Variants in BTBD16 observed in about 807,000 individuals in gnomAD.
The protein encoded by BTBD16 is BTB domain containing 16, also known as BTB/POZ domain-containing protein 16.
In BTBD16, 66 loss-of-function variants were observed where a neutral mutation model predicts 67.4. The observed-to-expected ratio is 0.98, with a 90% CI of 0.80 to 1.20. BTBD16 has a LOEUF of 1.20. BTBD16 is among the 50% of genes most tolerant of loss of function. BTBD16 has a pLI of 0.00. For synonymous variants in BTBD16, 242 were observed against 236.4 expected (o/e 1.02, Z -0.22); for missense variants, 634 against 616.0 (o/e 1.03, Z -0.31).
At chr10:122,309,434 T>C (rs2096409629) in intron 10 of BTBD16, among the ~76,000 whole-genome samples, 1 of 151,716 alleles carries the variant, frequency 6.6e-6, no homozygotes, top group Non-Finnish European at 1.5e-5. Context: ...AACCTCCGCC[T>C]CCCAGGTTCA....
intron 7 of BTBD16, among the ~76,000 whole-genome samples, chr10:122,292,469 T>A (rs1004096): frequency 0.12 from 18,454 of 152,284 alleles, 1,375 homozygotes; most frequent in East Asian, 0.24. Flanking sequence ...CCAGGACTCG[T>A]AGGTCAGGGG....
chr10:122,331,017 C>T (rs987822896), intron 11 of BTBD16, 159 bp from the exon 12 acceptor site: 48 of 409,570 alleles, frequency 1.2e-4, no homozygotes, highest in Non-Finnish European at 1.6e-4. Context: ...GACCCTGAGA[C>T]GTTTTATTTC....
At chr10:122,335,818 T>C (rs1006919315) in intron 14 of BTBD16, among the ~76,000 whole-genome samples, 17 of 152,216 alleles carry the variant, frequency 1.1e-4, no homozygotes, top group South Asian at 8.3e-4. Flanking sequence ...TTAATCTTTT[T>C]ATTACTACTG....
chr10:122,326,865 G>A (rs1272386882), intron 10 of BTBD16, among the ~76,000 whole-genome samples: 1 of 152,164 alleles, frequency 6.6e-6, no homozygotes, highest in African/African-American at 2.4e-5. Context: ...AACCAAAAGA[G>A]GTCTTTGCAC....
At chr10:122,314,771 A>G (rs1400381863) in intron 10 of BTBD16, among the ~76,000 whole-genome samples, 1 of 152,140 alleles carries the variant, frequency 6.6e-6, no homozygotes, top group East Asian at 1.9e-4. Flanking sequence ...TATGTTTTCT[A>G]CATATAATTA....
intron 10 of BTBD16, among the ~76,000 whole-genome samples, chr10:122,318,192 A>G (rs1373617264): frequency 1.3e-5 from 2 of 152,164 alleles, no homozygotes; most frequent in African/African-American, 2.4e-5. Context: ...AACGTTGTTA[A>G]GTGGTGCCTG....
chr10:122,334,201 T>A (rs10887133), intron 13 of BTBD16, among the ~76,000 whole-genome samples: 1 of 84,352 alleles, frequency 1.2e-5, no homozygotes, highest in South Asian at 4.1e-4. Flanking sequence ...TGACTTTTTT[T>A]TTTTTTTTTT....
At chr10:122,307,486 G>A (rs2096405710) in intron 10 of BTBD16, among the ~76,000 whole-genome samples, 178 bp downstream of exon 10, 1 of 151,954 alleles carries the variant, frequency 6.6e-6, no homozygotes, top group Non-Finnish European at 1.5e-5. Flanking sequence ...CAAATTACCT[G>A]GAAAAGTAAA....
chr10:122,334,378 G>A (rs1028820536), intron 13 of BTBD16, among the ~76,000 whole-genome samples: 1 of 140,978 alleles, frequency 7.1e-6, no homozygotes, highest in Non-Finnish European at 1.5e-5. Context: ...TGTATTTTTA[G>A]TAGAGACGAG....
At chr10:122,297,966 T>C in intron 8 of BTBD16, 129 bp downstream of exon 8, 1 of 796,354 alleles carries the variant, frequency 1.3e-6, no homozygotes, top group Non-Finnish European at 2.0e-6. Flanking sequence ...AATATTTTAT[T>C]TTGCCACATG....
At position 122,290,018 on chromosome 10, in the gene BTBD16, T is replaced by C; in HGVS notation, c.475+20T>C. On this transcript the variant is annotated intron_variant, in intron 6 of 15. Transcript: ENST00000260723. ...AAGTCGGTATGTATATACCCGTCTA[T>C]ATTCTGAGAATGCCATTGAACAAAT... 4.7e-6 allele frequency: 7 copies of C among 1,497,474 alleles called. No individual in the cohort carries two copies. Among genetic ancestry groups the C allele is most frequent in the Non-Finnish European group, 6.5e-6 (7 of 1,082,796 alleles). The allele number at this position is 1,497,474 out of a possible 1,614,324, so 92.8% of individuals were successfully genotyped here. A position where few individuals can be genotyped will look rare whatever the true frequency, so the allele number is the denominator to read the frequency against.
chr10:122,291,287 T>G, intron 7 of BTBD16, 93 bp downstream of exon 7: 1 of 1,490,472 alleles, frequency 6.7e-7, no homozygotes, highest in Non-Finnish European at 9.0e-7. Context: ...TCCTCTTCAT[T>G]GGGCTAAGAC....
At chr10:122,277,014 A>G (rs919662013) in intron 3 of BTBD16, 75 bp downstream of exon 3, 2 of 1,529,212 alleles carry the variant, frequency 1.3e-6, no homozygotes, top group African/African-American at 1.4e-5. Context: ...TGACCGGGCC[A>G]CTCTGATTGG....
At chr10:122,317,174 G>A (rs1384183465) in intron 10 of BTBD16, among the ~76,000 whole-genome samples, 1 of 152,068 alleles carries the variant, frequency 6.6e-6, no homozygotes, top group African/African-American at 2.4e-5. Flanking sequence ...CTTACTACAA[G>A]TATTTACTTT....
chr10:122,278,410 G>A (rs576363819), intron 3 of BTBD16, among the ~76,000 whole-genome samples: 295 of 152,316 alleles, frequency 1.9e-3, no homozygotes, highest in Non-Finnish European at 3.1e-3. Flanking sequence ...TGGTTATAGA[G>A]CACCTTCTTC....
At chr10:122,321,944 T>G (rs2096436140) in intron 10 of BTBD16, among the ~76,000 whole-genome samples, 1 of 152,160 alleles carries the variant, frequency 6.6e-6, no homozygotes, top group Non-Finnish European at 1.5e-5. Flanking sequence ...TCTTCTAGGA[T>G]TTTTATAGTT....
At chr10:122,318,790 T>C (rs944018634) in intron 10 of BTBD16, among the ~76,000 whole-genome samples, 1 of 152,336 alleles carries the variant, frequency 6.6e-6, no homozygotes, top group South Asian at 2.1e-4. Context: ...TTTGCCATGG[T>C]GGCCAGGCTG....
intron 9 of BTBD16, among the ~76,000 whole-genome samples, chr10:122,305,582 A>G (rs575927314): frequency 5.1e-4 from 78 of 152,332 alleles, no homozygotes; most frequent in Middle Eastern, 3.4e-3. Context: ...GAAGCCAAGC[A>G]GATGCCAGCA....
chr10:122,299,540 A>T (rs1325361451), intron 9 of BTBD16, among the ~76,000 whole-genome samples: 2 of 152,062 alleles, frequency 1.3e-5, no homozygotes, highest in Non-Finnish European at 2.9e-5. Flanking sequence ...ACACCCACGT[A>T]TCTGATCGCC....
Sources: allele counts gnomAD v4.1 joint callset (sites outside exome capture counted in the v4.1 genomes callset), GRCh38; gene constraint gnomAD v4.1.1; transcripts MANE v1.5; gene names NCBI Gene and HGNC (gene_info 2026-07-23, HGNC 2026-07-21).